CABIN1: variants seen among roughly 807,000 people sequenced by gnomAD.
The protein encoded by CABIN1 is calcineurin-binding protein cabin-1.
A neutral mutation model predicts 227.7 loss-of-function variants in CABIN1; 133 were observed. That is an observed-to-expected ratio of 0.58 (90% CI 0.51 to 0.67). The LOEUF is 0.67. Among genes scored for constraint, CABIN1 ranks in the 30% least tolerant of loss-of-function variants. The pLI is 0.00. For synonymous variants in CABIN1, 1,086 were observed against 1,155.1 expected (o/e 0.94, Z 1.21); for missense variants, 2,408 against 2,852.5 (o/e 0.84, Z 3.55).
chr22:24,072,821 A>G (rs1165084957), intron 18 of CABIN1, among the ~76,000 whole-genome samples: 1 of 152,176 alleles, frequency 6.6e-6, no homozygotes, highest in East Asian at 1.9e-4. Context: ...GAGGCCTTGT[A>G]TCCACTAGCT....
Position 24,070,882 on chromosome 22 carries a change from T to G in CABIN1, c.2315T>G (p.Val772Gly), listed in dbSNP as rs770370619. ...CTGAACGAGGCTGTCCAGCAGATGG[T>G]GAACTCAGGTGAGGCTGCCGCCAAG... ...VALNEAVQQM[V>G]NSGEAAAKEE... The change falls in exon 17 of 37, where the codon GTG becomes GGG. Residue 772 changes from valine to glycine, a missense_variant. Around this residue, in one of 3 missense-constraint regions of CABIN1, gnomAD observed 1,045 missense variants for 1,168.4 expected, o/e 0.89. Transcript: ENST00000263119. 1 of 1,614,228 alleles carries G rather than the reference T, an allele frequency of 6.2e-7. No individual in the cohort carries two copies. The highest frequency in any genetic ancestry group is 8.5e-7 in the Non-Finnish European group (1 of 1,180,042).
intron 15 of CABIN1, among the ~76,000 whole-genome samples, chr22:24,066,293 T>G (rs2146585696): frequency 6.6e-6 from 1 of 152,326 alleles, no homozygotes; most frequent in Non-Finnish European, 1.5e-5. Context: ...AAGCAGTCAT[T>G]GCTCTGCTCT....
chr22:24,021,445 A>G (rs573057745), intron 1 of CABIN1, among the ~76,000 whole-genome samples: 143 of 152,284 alleles, frequency 9.4e-4, no homozygotes, highest in Non-Finnish European at 1.0e-3. Flanking sequence ...GGTGTGAGCC[A>G]CAGTGCCCGA....
intron 1 of CABIN1, among the ~76,000 whole-genome samples, chr22:24,030,185 C>G (rs1477702529): frequency 6.6e-6 from 1 of 152,298 alleles, no homozygotes; most frequent in South Asian, 2.1e-4. Context: ...CTGTTCGGAG[C>G]TCTTGCAGGG....
At chr22:24,149,684 A>G (rs1247254890) in intron 29 of CABIN1, among the ~76,000 whole-genome samples, 1 of 152,234 alleles carries the variant, frequency 6.6e-6, no homozygotes, top group Admixed American at 6.5e-5. Flanking sequence ...ACTCCACCCC[A>G]TCACTGGGCA....
rs137900069 is a variant in CABIN1 at position 24,171,897 on chromosome 22, C to T, written c.5942C>T (p.Pro1981Leu). ...AAATTIITCPPSASASTLDQS... is the reference protein window; with the variant it reads ...AAATTIITCPLSASASTLDQS... ...GCCACAACTATTATCACCTGCCCTC[C>T]GTCAGCATCAGCTTCCACCCTGGAC... Residue 1981 changes from proline to leucine, a missense_variant, in exon 34 of 37, where the codon CCG becomes CTG. Around this residue, in one of 3 missense-constraint regions of CABIN1, gnomAD observed 714 missense variants for 773.8 expected, o/e 0.92. Transcript: ENST00000263119. The T allele has an allele frequency of 9.8e-5, 158 of 1,614,064 alleles. No homozygotes were observed. The African/African-American group carries it at 1.9e-3, about 19-fold the overall frequency.
chr22:24,177,739 G>C lies in CABIN1; in HGVS notation c.6441G>C (p.Glu2147Asp). ...IPSAATKFPP[E>D]ITVTPPTPTL... Reference sequence around the variant, plus strand: ...CCGCCGCCACCAAGTTCCCCCCTGAGATCACCGTCACGCCACCCACCCCAA... The same window carrying C: ...CCGCCGCCACCAAGTTCCCCCCTGACATCACCGTCACGCCACCCACCCCAA... Residue 2147 changes from glutamate to aspartate, a missense_variant, in exon 36 of 37, where the codon GAG (glutamate) becomes GAC (aspartate). Physicochemically the swap from Glu to Asp is conservative, Grantham distance 45. Transcript: ENST00000263119. This position sits in a 1 kb window ranked among gnomAD's most constrained non-coding sequence, Gnocchi z 4.4. 1 of 1,612,558 alleles carries C rather than the reference G, an allele frequency of 6.2e-7. No homozygotes were observed. The highest frequency in any genetic ancestry group is 8.5e-7 in the Non-Finnish European group (1 of 1,178,964).
chr22:24,025,796 C>T lies in CABIN1; in HGVS notation c.-74-9648C>T, dbSNP rs117546192. Among the ~76,000 whole-genome samples, 211 of 152,290 alleles carry T rather than the reference C, an allele frequency of 1.4e-3. 3 individuals are homozygous for T. The East Asian group carries it at 0.037, about 27-fold the overall frequency. The stretch of plus-strand genomic sequence containing the variant: ...CTGAAGTTATCCTCCCACTCAGCCT[C>T]CCAAGTATCTGGGACTACAGGTATG... On this transcript the variant is annotated intron_variant, in intron 1 of 36. Coordinates refer to ENST00000263119, the MANE Select transcript of CABIN1 (RefSeq NM_012295.4).
intron 28 of CABIN1, among the ~76,000 whole-genome samples, chr22:24,123,943 G>A (rs754296133): frequency 2.6e-5 from 4 of 152,200 alleles, no homozygotes; most frequent in Non-Finnish European, 2.9e-5. Context: ...GGAGCTGTGT[G>A]GTTGACTCCT....
In CABIN1 at chr22:24,143,724, G is replaced by A. The variant is rs146859681; in HGVS notation, c.4746+9309G>A. Among the ~76,000 whole-genome samples, 1,205 of 152,304 alleles carry A rather than the reference G, an allele frequency of 7.9e-3. 6 individuals are homozygous for A. The highest frequency in any genetic ancestry group is 0.014 in the South Asian group (69 of 4,824). ...GGTGCCTCCTTAGGTGACATAGCAT[G>A]TCCGTGAGGCTTAGGTACTATTATC... On this transcript the variant is annotated intron_variant, in intron 29 of 36. Coordinates refer to ENST00000263119, the MANE Select transcript of CABIN1 (RefSeq NM_012295.4).
At chr22:24,095,813 C>T in intron 24 of CABIN1, 118 bp from the exon 25 acceptor site, 1 of 1,040,932 alleles carries the variant, frequency 9.6e-7, no homozygotes, top group South Asian at 1.3e-5. Flanking sequence ...CAAAAACAAG[C>T]AGTGTGTGGC....
rs1479363541 is a variant in CABIN1, at chr22:24,134,290, T to A, written c.4633-12T>A. 1 of 1,610,396 alleles carries A rather than the reference T, an allele frequency of 6.2e-7. No homozygotes were observed. Among genetic ancestry groups the A allele is most frequent in the Non-Finnish European group, 8.5e-7 (1 of 1,177,428 alleles). On this transcript the variant is annotated splice_polypyrimidine_tract_variant and intron_variant, in intron 28 of 36. Coordinates refer to ENST00000263119, the MANE Select transcript of CABIN1 (RefSeq NM_012295.4). ...CACACACTCACTTTCAACCTACTTC[T>A]TGTTTCCCCAGAACCTCCAGTGGGC...
chr22:24,109,040 T>C (rs1316086376), intron 26 of CABIN1, among the ~76,000 whole-genome samples: 1 of 152,186 alleles, frequency 6.6e-6, no homozygotes, highest in Admixed American at 6.5e-5. Flanking sequence ...ATCATAACAG[T>C]TCTGTGAAGT....
At position 24,114,058 on chromosome 22, in the gene CABIN1, TTTGTTGTTG is replaced by T. The variant is rs695681; in HGVS notation, c.4300+335_4300+343del. 1.8e-3 allele frequency among the ~76,000 whole-genome samples: 270 copies of T among 151,712 alleles called. 1 individual carries two copies. Among genetic ancestry groups the T allele is most frequent in the African/African-American group, 5.8e-3 (241 of 41,280 alleles). On this transcript the variant is annotated intron_variant, in intron 27 of 36. Transcript: ENST00000263119. ...GTCTGTGATATCAGTGTGCTCTGTT[TTTGTTGTTG>T]TTGTTGTTGTTGTTGTTGTTGTTGG...
At chr22:24,102,962 C>G (rs532104409) in intron 26 of CABIN1, 1 of 152,680 alleles carries the variant, frequency 6.5e-6, no homozygotes, top group Non-Finnish European at 1.5e-5. Context: ...TGCTCATCTT[C>G]GCCTGTTCGC....
At chr22:24,104,701 C>T (rs934148204) in intron 26 of CABIN1, among the ~76,000 whole-genome samples, 7 of 152,334 alleles carry the variant, frequency 4.6e-5, no homozygotes, top group South Asian at 2.1e-4. Context: ...CCCGATTTCC[C>T]GGGCCAGCCT....
chr22:24,107,821 C>T (rs932419319), intron 26 of CABIN1, among the ~76,000 whole-genome samples: 2 of 152,224 alleles, frequency 1.3e-5, no homozygotes, highest in Admixed American at 6.5e-5. Flanking sequence ...GGGCAGCTTG[C>T]CAGTCGGTGA....
intron 8 of CABIN1, among the ~76,000 whole-genome samples, chr22:24,052,047 G>A (rs537458575): frequency 2.6e-5 from 4 of 152,230 alleles, no homozygotes; most frequent in Non-Finnish European, 5.9e-5. Context: ...TCTCCCATCT[G>A]AGTGTGTGCT....
At chr22:24,051,792 G>C (rs2038357118) in intron 8 of CABIN1, among the ~76,000 whole-genome samples, 1 of 152,002 alleles carries the variant, frequency 6.6e-6, no homozygotes, top group Non-Finnish European at 1.5e-5. Context: ...TCTCTCATAG[G>C]GTTGTCATGA....
Sources: allele counts gnomAD v4.1 joint callset (sites outside exome capture counted in the v4.1 genomes callset), GRCh38; gene constraint gnomAD v4.1.1; regional missense constraint gnomAD v4.1.1; non-coding constraint Gnocchi (gnomAD v3.1); transcripts MANE v1.5; gene names NCBI Gene and HGNC (gene_info 2026-07-23, HGNC 2026-07-21).